The following PSMA5 variants were observed in gnomAD, a reference collection of about 807,000 sequenced individuals.
PSMA5 encodes the protein proteasome subunit alpha type-5.
PSMA5 carries 3 observed loss-of-function variants against 34.5 expected under a neutral mutation model. The observed-to-expected ratio is 0.09, with a 90% CI of 0.04 to 0.22. PSMA5 has a LOEUF of 0.22. PSMA5 is among the 10% of genes least tolerant of loss of function. The pLI, the probability that PSMA5 is intolerant of heterozygous loss-of-function variation, is 1.00. For missense variants in PSMA5, 120 were observed against 286.1 expected (o/e 0.42, Z 4.19); for synonymous variants, 88 against 95.8 (o/e 0.92, Z 0.47).
intron 7 of PSMA5, 133 bp from the exon 8 acceptor site, chr1:109,410,147 A>T: frequency 1.6e-6 from 1 of 636,056 alleles, no homozygotes. Flanking sequence ...ATGGTGCATT[A>T]CAAGTATCTC....
intron 3 of PSMA5, 124 bp downstream of exon 3, chr1:109,415,113 C>T: frequency 8.1e-7 from 1 of 1,234,664 alleles, no homozygotes. Flanking sequence ...TTCTGGCCTA[C>T]TGCCTGGAAA....
chr1:109,418,119 TGGGA>T (rs1361715991), intron 2 of PSMA5, among the ~76,000 whole-genome samples: 1 of 151,706 alleles, frequency 6.6e-6, no homozygotes, highest in Admixed American at 6.6e-5. Context: ...GGGGCTGAGG[TGGGA>T]GGATCACTTG....
intron 8 of PSMA5, among the ~76,000 whole-genome samples, chr1:109,407,580 G>C (rs560164868): frequency 6.6e-6 from 1 of 152,230 alleles, no homozygotes; most frequent in Admixed American, 6.5e-5. Context: ...AAATATCCTG[G>C]TAAGTACTGA....
chr1:109,410,941 T>C, intron 7 of PSMA5, 70 bp downstream of exon 7: 1 of 1,192,814 alleles, frequency 8.4e-7, no homozygotes, highest in Non-Finnish European at 1.2e-6. Flanking sequence ...TCTTAAGGTT[T>C]GCACATTTTA....
intron 6 of PSMA5, 107 bp downstream of exon 6, chr1:109,411,770 G>T: frequency 1.8e-6 from 2 of 1,091,686 alleles, no homozygotes; most frequent in Non-Finnish European, 2.7e-6. Context: ...GACTACAGGT[G>T]TGTGCTAATA....
intron 8 of PSMA5, 61 bp from the exon 9 acceptor site, chr1:109,402,151 A>G (rs1248042858): frequency 5.5e-5 from 69 of 1,261,366 alleles, no homozygotes; most frequent in Non-Finnish European, 7.8e-5. Context: ...TGGCCCTACC[A>G]TGGTCAGGAG....
At chr1:109,407,045 C>T (rs1242283796) in intron 8 of PSMA5, among the ~76,000 whole-genome samples, 1 of 152,056 alleles carries the variant, frequency 6.6e-6, no homozygotes, top group African/African-American at 2.4e-5. Flanking sequence ...TGCAGTGGCG[C>T]GGCATGATCT....
intron 2 of PSMA5, among the ~76,000 whole-genome samples, chr1:109,421,469 A>AAAAAAAAAAGAAAG (rs1274912093): frequency 2.5e-4 from 37 of 150,820 alleles, no homozygotes; most frequent in African/African-American, 9.2e-4. Flanking sequence ...TCTCAAAAAA[A>AAAAAAAAAAGAAAG]AAAAAAAAGA....
intron 6 of PSMA5, 115 bp downstream of exon 6, chr1:109,411,762 C>T: frequency 9.9e-7 from 1 of 1,013,924 alleles, no homozygotes; most frequent in Non-Finnish European, 1.5e-6. Flanking sequence ...GTAGCTGGGA[C>T]TACAGGTGTG....
At position 109,425,992 on chromosome 1, in the gene PSMA5, A is replaced by G. The variant is rs1654640739; in HGVS notation, c.29+310T>C. The stretch of plus-strand genomic sequence containing the variant: ...GAAAAGATGAACGGAGCAAAGAGTG[A>G]CCCTTGGCCTTCTCCGGGTTCAAGG... On this transcript the variant is annotated intron_variant, in intron 1 of 8. Transcript: ENST00000271308. 1.3e-5 allele frequency: 7 copies of G among 526,660 alleles called. No homozygotes were observed. In the South Asian group the frequency reaches 1.8e-4, roughly 13 times the overall value. The allele number at this position is 526,660 out of a possible 1,614,324, so 32.6% of individuals were successfully genotyped here.
intron 1 of PSMA5, chr1:109,425,442 A>G (rs954598238): frequency 6.6e-6 from 1 of 152,212 alleles, no homozygotes; most frequent in Non-Finnish European, 1.5e-5. Context: ...CTTCACACAC[A>G]TCTTCTACGA....
At chr1:109,404,428 G>A (rs1043277293) in intron 8 of PSMA5, among the ~76,000 whole-genome samples, 11 of 152,202 alleles carry the variant, frequency 7.2e-5, no homozygotes, top group Non-Finnish European at 1.3e-4. Flanking sequence ...TCTAAAGAGT[G>A]AGGGCCTAAA....
At chr1:109,415,109 C>T in intron 3 of PSMA5, 128 bp downstream of exon 3, 2 of 1,175,956 alleles carry the variant, frequency 1.7e-6, no homozygotes, top group Non-Finnish European at 2.3e-6. Flanking sequence ...CGCATTCTGG[C>T]CTACTGCCTG....
chr1:109,426,241 C>T, intron 1 of PSMA5, 61 bp downstream of exon 1: 1 of 1,598,014 alleles, frequency 6.3e-7, no homozygotes. Context: ...CCAGGCCGCG[C>T]GGCCAGGTCC....
chr1:109,411,557 C>CAT (rs33980057), intron 6 of PSMA5, among the ~76,000 whole-genome samples: 82,588 of 151,772 alleles, frequency 0.54, 22,573 homozygotes, highest in East Asian at 0.62. Flanking sequence ...TATTAGAAGC[C>CAT]ATATATATGT....
chr1:109,421,595 G>A (rs1296239210), intron 2 of PSMA5, among the ~76,000 whole-genome samples: 1 of 152,068 alleles, frequency 6.6e-6, no homozygotes, highest in African/African-American at 2.4e-5. Context: ...ATAGCTAAGA[G>A]GATCAAAAGC....
At chr1:109,416,995 C>T (rs983987621) in intron 2 of PSMA5, among the ~76,000 whole-genome samples, 13 of 152,144 alleles carry the variant, frequency 8.5e-5, no homozygotes, top group African/African-American at 2.7e-4. Flanking sequence ...CTCCCAGCTA[C>T]GCGGAAGGCT....
At chr1:109,404,426 G>C (rs1653664765) in intron 8 of PSMA5, among the ~76,000 whole-genome samples, 1 of 152,174 alleles carries the variant, frequency 6.6e-6, no homozygotes, top group Admixed American at 6.5e-5. Context: ...AATCTAAAGA[G>C]TGAGGGCCTA....
In PSMA5 at chr1:109,401,835, C is replaced by G; in HGVS notation, c.*178G>C. On this transcript the variant is annotated 3_prime_UTR_variant, in exon 9 of 9. Transcript: ENST00000271308. Reference sequence around the variant, plus strand: ...AAAAAAAAAGACTATTAGAAGAGAACAGTCTATTAACAAATATTTTAAAAT... The same window carrying G: ...AAAAAAAAAGACTATTAGAAGAGAAGAGTCTATTAACAAATATTTTAAAAT... The G allele has an allele frequency of 2.7e-6, 1 of 368,626 alleles. No individual in the cohort carries two copies. 22.8% of individuals were successfully genotyped at this position (368,626 alleles called of 1,614,324 possible).
Sources: allele counts gnomAD v4.1 joint callset (sites outside exome capture counted in the v4.1 genomes callset), GRCh38; gene constraint gnomAD v4.1.1; transcripts MANE v1.5; gene names NCBI Gene and HGNC (gene_info 2026-07-23, HGNC 2026-07-21).